TXNDC8: variants seen among roughly 807,000 people sequenced by gnomAD.
TXNDC8 encodes the protein thioredoxin domain-containing protein 8.
TXNDC8 carries 15 observed loss-of-function variants against 12.9 expected under a neutral mutation model. That is an observed-to-expected ratio of 1.16 (90% CI 0.78 to 1.79). The LOEUF is 1.79. TXNDC8 is among the 40% of genes most tolerant of loss of function. The pLI, the probability that TXNDC8 is intolerant of heterozygous loss-of-function variation, is 0.00. For missense variants in TXNDC8, 128 were observed against 113.2 expected (o/e 1.13, Z -0.59); for synonymous variants, 40 against 35.4 (o/e 1.13, Z -0.46).
chr9:110,323,750 G>T, intron 3 of TXNDC8: 5 of 1,241,614 alleles, frequency 4.0e-6, no homozygotes, highest in South Asian at 1.5e-5. Flanking sequence ...AGTACTCTTG[G>T]CTTGACTCTG....
At position 110,308,356 on chromosome 9, in the gene TXNDC8, C is replaced by G. The variant is rs74782843; in HGVS notation, c.196-3824G>C. Among the ~76,000 whole-genome samples, 1,349 of 152,290 alleles carry G rather than the reference C, an allele frequency of 8.9e-3. 24 individuals carry two copies. The highest frequency in any genetic ancestry group is 0.031 in the African/African-American group (1,273 of 41,538). ...TGATTTTTTTGCTGGTTCTTCAGCC[C>G]AAGACCCAACCCTAGGTAAGTATCT... On this transcript the variant is annotated intron_variant, in intron 3 of 4. Coordinates refer to ENST00000423740, the MANE Select transcript of TXNDC8 (RefSeq NM_001286946.2).
chr9:110,318,841 TACATG>T (rs1838984812), intron 3 of TXNDC8, among the ~76,000 whole-genome samples: 1 of 152,050 alleles, frequency 6.6e-6, no homozygotes, highest in African/African-American at 2.4e-5. Context: ...GTGCAAAAAA[TACATG>T]ATGAACAAAA....
chr9:110,306,888 C>T (rs1332453554), intron 3 of TXNDC8, among the ~76,000 whole-genome samples: 1 of 152,088 alleles, frequency 6.6e-6, no homozygotes, highest in Non-Finnish European at 1.5e-5. Context: ...TGTCATCTAT[C>T]TTTCCCACTA....
intron 3 of TXNDC8, among the ~76,000 whole-genome samples, chr9:110,314,495 C>T (rs1251640750): frequency 1.3e-5 from 2 of 148,404 alleles, no homozygotes; most frequent in Non-Finnish European, 3.0e-5. Flanking sequence ...TGCAGTGGCG[C>T]GATCTCGGCT....
intron 2 of TXNDC8, among the ~76,000 whole-genome samples, chr9:110,326,451 C>A (rs76058834): frequency 1.3e-5 from 2 of 152,254 alleles, no homozygotes; most frequent in East Asian, 3.9e-4. Flanking sequence ...ATCGTTACAG[C>A]GTTCCTGGGC....
chr9:110,303,827 C>A (rs1838327480), intron 4 of TXNDC8: 1 of 793,438 alleles, frequency 1.3e-6, no homozygotes, highest in Non-Finnish European at 2.0e-6. Flanking sequence ...CATAATATAC[C>A]TTTAATCTAA....
intron 3 of TXNDC8, among the ~76,000 whole-genome samples, chr9:110,318,222 A>G (rs1564100012): frequency 6.6e-6 from 1 of 152,346 alleles, no homozygotes; most frequent in East Asian, 1.9e-4. Context: ...TGACAAGGAA[A>G]GACCTCAGAA....
intron 2 of TXNDC8, among the ~76,000 whole-genome samples, chr9:110,327,362 G>C (rs1031339196): frequency 1.5e-4 from 22 of 147,472 alleles, no homozygotes; most frequent in Admixed American, 2.7e-4. Flanking sequence ...CGCTCTTGTC[G>C]CCCTGGCTGG....
At chr9:110,304,350 C>T (rs1303034328) in intron 4 of TXNDC8, 117 bp downstream of exon 5, 17 of 903,260 alleles carry the variant, frequency 1.9e-5, no homozygotes, top group Non-Finnish European at 2.8e-5. Context: ...AAACCATCCC[C>T]ACACCAAAGG....
chr9:110,326,642 C>A (rs1359233230), intron 2 of TXNDC8, among the ~76,000 whole-genome samples: 3 of 151,940 alleles, frequency 2.0e-5, no homozygotes, highest in Non-Finnish European at 4.4e-5. Flanking sequence ...ATCTTTATAA[C>A]TCTACTTGAG....
chr9:110,330,898 C>T (rs530766538), intron 2 of TXNDC8, among the ~76,000 whole-genome samples: 1 of 152,202 alleles, frequency 6.6e-6, no homozygotes, highest in African/African-American at 2.4e-5. Flanking sequence ...TCTTATGATT[C>T]ACTGTTTTTT....
intron 2 of TXNDC8, among the ~76,000 whole-genome samples, chr9:110,330,524 C>A (rs1196395823): frequency 2.0e-5 from 3 of 152,230 alleles, no homozygotes; most frequent in African/African-American, 7.2e-5. Context: ...TCACAGACTA[C>A]ATATTGCCTT....
At chr9:110,337,681 C>A in intron 1 of TXNDC8, 92 bp downstream of exon 1, 1 of 1,206,368 alleles carries the variant, frequency 8.3e-7, no homozygotes, top group Non-Finnish European at 1.2e-6. Context: ...TGATAGAATA[C>A]TGGATAGAGA....
intron 2 of TXNDC8, among the ~76,000 whole-genome samples, chr9:110,330,093 C>T (rs1307623214): frequency 6.6e-6 from 1 of 152,192 alleles, no homozygotes; most frequent in Non-Finnish European, 1.5e-5. Context: ...TCCTGGGTAT[C>T]TTTTCAGACA....
chr9:110,337,621 G>A (rs1225129523), intron 1 of TXNDC8, 152 bp downstream of exon 1: 1 of 705,992 alleles, frequency 1.4e-6, no homozygotes, highest in Non-Finnish European at 2.3e-6. Flanking sequence ...ATCCCTCAAG[G>A]AACAAGATAA....
chr9:110,308,723 C>T (rs1213320276), intron 3 of TXNDC8, among the ~76,000 whole-genome samples: 2 of 152,222 alleles, frequency 1.3e-5, no homozygotes, highest in Admixed American at 6.5e-5. Context: ...ACCTCCTTCC[C>T]CTTTGCCACC....
At chr9:110,318,989 C>G (rs1033407740) in intron 3 of TXNDC8, among the ~76,000 whole-genome samples, 23 of 152,322 alleles carry the variant, frequency 1.5e-4, no homozygotes, top group Middle Eastern at 3.4e-3. Context: ...AGAGCAGCAT[C>G]TTTAGCAAAG....
intron 3 of TXNDC8, among the ~76,000 whole-genome samples, chr9:110,310,239 GA>G (rs1838615052): frequency 6.6e-6 from 1 of 151,710 alleles, no homozygotes; most frequent in Admixed American, 6.6e-5. Context: ...GTGTATATTG[GA>G]AAGGCCTTTA....
In TXNDC8 at chr9:110,337,772, C is replaced by A. The variant is rs1386155963; in HGVS notation, c.24+1G>T. 4 of 1,613,770 alleles carry A rather than the reference C, an allele frequency of 2.5e-6. No homozygotes were observed. The highest frequency in any genetic ancestry group is 3.4e-6 in the Non-Finnish European group (4 of 1,179,812). On this transcript the variant is annotated splice_donor_variant, in intron 1 of 4. Coordinates refer to ENST00000423740, the MANE Select transcript of TXNDC8 (RefSeq NM_001286946.2). LOFTEE classifies it high-confidence loss of function. The stretch of plus-strand genomic sequence containing the variant: ...CTCAGTGAAGCCAAATAAATACTTG[C>A]CGTGTCTTTAATAATCTGTACCATG...
Sources: gnomAD v4.1 joint callset for allele counts (sites outside exome capture counted in the v4.1 genomes callset) on GRCh38, gnomAD v4.1.1 for gene constraint, MANE v1.5 for transcripts, NCBI Gene and HGNC (gene_info 2026-07-23, HGNC 2026-07-21) for gene names.